The following RCCD1 variants were observed in gnomAD, a reference collection of about 807,000 sequenced individuals.
RCCD1 encodes RCC1 domain containing 1.
RCCD1 carries 40 observed loss-of-function variants against 37.6 expected under a neutral mutation model. The observed-to-expected ratio is 1.06, with a 90% CI of 0.83 to 1.39. The LOEUF is 1.39. RCCD1 is among the 40% of genes most tolerant of loss of function. The probability of loss-of-function intolerance (pLI) is 0.00; values close to 1 mark genes in which losing one functional copy is unlikely to be tolerated. For missense variants in RCCD1, 577 were observed against 517.3 expected, an observed-to-expected ratio of 1.12 and a Z score of -1.12; for synonymous variants, 263 against 230.0, an observed-to-expected ratio of 1.14 and a Z score of -1.30.
At position 90,957,304 on chromosome 15, in the gene RCCD1, G is replaced by T; in HGVS notation, c.358G>T (p.Glu120Ter). The T allele has an allele frequency of 4.6e-6, 7 of 1,535,202 alleles. No individual in the cohort carries two copies. Among genetic ancestry groups the T allele is most frequent in the Non-Finnish European group, 6.1e-6 (7 of 1,138,572 alleles). Residue 120 changes from glutamate to a stop codon, truncating the protein, a stop_gained, in exon 3 of 8, where the codon GAA becomes TAA. Coordinates refer to ENST00000394258, the MANE Select transcript of RCCD1 (RefSeq NM_001017919.2). LOFTEE classifies it high-confidence loss of function. The part of the protein sequence containing the change: ...LWAQNVVPEA[E>*]GEDDPAGEAQ... Reference sequence around the variant, plus strand: ...GGCCCAGAATGTGGTGCCCGAGGCCGAAGGGGAAGACGATCCGGCCGGTGA... The same window carrying T: ...GGCCCAGAATGTGGTGCCCGAGGCCTAAGGGGAAGACGATCCGGCCGGTGA...
At position 90,954,894 on chromosome 15, in the gene RCCD1, G is replaced by A. The variant is rs189310533; in HGVS notation, c.-178G>A. Reference sequence around the variant, plus strand: ...TGGAAGGTAAAAGCTGCTTCCTGTTGGGGCATGAGTCCGGCGCGTGTCGGG... The same window carrying A: ...TGGAAGGTAAAAGCTGCTTCCTGTTAGGGCATGAGTCCGGCGCGTGTCGGG... On this transcript the variant is annotated 5_prime_UTR_variant, in exon 1 of 8. Transcript: ENST00000394258. 3.9e-5 allele frequency: 6 copies of A among 152,374 alleles called. No homozygotes were observed. 9.4% of individuals were successfully genotyped at this position (152,374 alleles called of 1,614,324 possible).
chr15:90,961,792 C>A lies in RCCD1; in HGVS notation c.*23C>A. On this transcript the variant is annotated 3_prime_UTR_variant, in exon 8 of 8. Transcript: ENST00000394258. ...TGACATGTGTACGTATATGTATATG[C>A]AACACCTGTGAGACCCCCATTCAGG... The A allele has an allele frequency of 1.2e-6, 2 of 1,602,066 alleles. No individual in the cohort carries two copies. Among genetic ancestry groups the A allele is most frequent in the South Asian group, 1.1e-5 (1 of 89,862 alleles).
At chr15:90,955,342 T>G (rs1349169060) in intron 1 of RCCD1, 2 of 152,232 alleles carry the variant, frequency 1.3e-5, no homozygotes, top group Admixed American at 1.3e-4. Context: ...CGGCGCCCGC[T>G]GGGCGGGAGG....
At chr15:90,957,991 C>G (rs1328682829) in intron 4 of RCCD1, among the ~76,000 whole-genome samples, 1 of 152,246 alleles carries the variant, frequency 6.6e-6, no homozygotes, top group African/African-American at 2.4e-5. Context: ...CTGCTCCCAG[C>G]CAGGACTGTC....
intron 2 of RCCD1, 59 bp downstream of exon 2, chr15:90,956,959 G>T: frequency 1.6e-6 from 2 of 1,265,852 alleles, no homozygotes; most frequent in South Asian, 3.1e-5. Context: ...TCGCCTCCCC[G>T]CACCGCTGTG....
At position 90,957,726 on chromosome 15, in the gene RCCD1, G is replaced by A. The variant is rs760657404; in HGVS notation, c.679+1G>A. 1.9e-6 allele frequency: 3 copies of A among 1,603,312 alleles called. No individual in the cohort carries two copies. The highest frequency in any genetic ancestry group is 2.6e-6 in the Non-Finnish European group (3 of 1,174,078). ...GGCTGGCATTCTGTGTGTGTGAGTG[G>A]TGAGTGACTTAGTGCTTCTCCAGAC... On this transcript the variant is annotated splice_donor_variant, in intron 4 of 7. Transcript: ENST00000394258. LOFTEE classifies it high-confidence loss of function.
Position 90,956,698 on chromosome 15 carries a change from C to T in RCCD1, c.-37C>T, listed in dbSNP as rs981552957. The T allele has an allele frequency of 3.3e-5, 42 of 1,259,966 alleles. No homozygotes were observed. The highest frequency in any genetic ancestry group is 4.1e-5 in the Non-Finnish European group (41 of 1,002,520). 78.0% of individuals were successfully genotyped at this position (1,259,966 alleles called of 1,614,324 possible). On this transcript the variant is annotated 5_prime_UTR_variant, in exon 2 of 8. Coordinates refer to ENST00000394258, the MANE Select transcript of RCCD1 (RefSeq NM_001017919.2). ...CGCAAGAATCCCCCCGGGCCCGCCG[C>T]AGCCAGGCGGCGGCCGGCAGAGGGC...
intron 2 of RCCD1, 52 bp from the exon 3 acceptor site, chr15:90,957,061 C>T: frequency 1.5e-6 from 2 of 1,308,666 alleles, no homozygotes; most frequent in Non-Finnish European, 9.7e-7. Flanking sequence ...ACCCCGCTCC[C>T]CCCATCCCCG....
At position 90,961,698 on chromosome 15, in the gene RCCD1, C is replaced by A. The variant is rs1378283246; in HGVS notation, c.1060C>A (p.Leu354Ile). ...TGTGGAATACTTTGTAGATAAGCAA[C>A]TCCAAGTAAAGGCTGTCACCTGTGG... ...RRVEYFVDKQ[L>I]QVKAVTCGPW... is the part of the protein sequence containing the mutation. The change falls in exon 8 of 8, where the codon CTC becomes ATC. Residue 354 changes from leucine (L) to isoleucine (I), a missense_variant. Transcript: ENST00000394258. 1.2e-6 allele frequency: 2 copies of A among 1,614,182 alleles called. No homozygotes were observed. The highest frequency in any genetic ancestry group is 2.2e-5 in the South Asian group (2 of 91,086).
At position 90,961,844 on chromosome 15, in the gene RCCD1, A is replaced by T; in HGVS notation, c.*75A>T. 6.7e-7 allele frequency: 1 copy of T among 1,483,990 alleles called. No homozygotes were observed. The highest frequency in any genetic ancestry group is 9.2e-7 in the Non-Finnish European group (1 of 1,090,068). The allele number at this position is 1,483,990 out of a possible 1,614,324, so 91.9% of individuals were successfully genotyped here. ...CAAGGAAAACCATTGCCTGCACCCC[A>T]AGGGCCCCATATTTGCCCCTCCCCA... On this transcript the variant is annotated 3_prime_UTR_variant, in exon 8 of 8. Coordinates refer to ENST00000394258, the MANE Select transcript of RCCD1 (RefSeq NM_001017919.2).
At position 90,957,040 on chromosome 15, in the gene RCCD1, T is replaced by C. The variant is rs950082207; in HGVS notation, c.167-73T>C. Reference sequence around the variant, plus strand: ...CTGGGTTGGTCCCCAATTCGACCCCTTCCCAGGAACACCCCGCTCCCCCCA... The same window carrying C: ...CTGGGTTGGTCCCCAATTCGACCCCCTCCCAGGAACACCCCGCTCCCCCCA... On this transcript the variant is annotated intron_variant, in intron 2 of 7. Transcript: ENST00000394258. 11 of 1,293,820 alleles carry C rather than the reference T, an allele frequency of 8.5e-6. No individual in the cohort carries two copies. The African/African-American group carries it at 1.7e-4, about 20-fold the overall frequency. 80.1% of individuals were successfully genotyped at this position (1,293,820 alleles called of 1,614,324 possible). A position where few individuals can be genotyped will look rare whatever the true frequency, so the allele number is the denominator to read the frequency against.
At chr15:90,958,040 G>C (rs986861921) in intron 4 of RCCD1, among the ~76,000 whole-genome samples, 8 of 152,194 alleles carry the variant, frequency 5.3e-5, no homozygotes, top group Non-Finnish European at 1.0e-4. Context: ...AGTGTGAGGG[G>C]GCAGCTGAGC....
Position 90,958,627 on chromosome 15 carries a change from CAAAA to C in RCCD1, c.679+921_679+924del, listed in dbSNP as rs5814447. On this transcript the variant is annotated intron_variant, in intron 4 of 7. Coordinates refer to ENST00000394258, the MANE Select transcript of RCCD1 (RefSeq NM_001017919.2). ...TGGGCGACAGAGCGAGACTCAGTCT[CAAAA>C]AAAAAAAAAAAAAAAAAAGAAAAGC... Among the ~76,000 whole-genome samples the C allele has an allele frequency of 1.0e-2, 748 of 74,980 alleles. 9 individuals are homozygous for C. Among genetic ancestry groups the C allele is most frequent in the Middle Eastern group, 0.017 (2 of 120 alleles). The allele number at this position is 74,980 out of a possible 152,430, so 49.2% of individuals were successfully genotyped here.
intron 3 of RCCD1, 43 bp from the exon 4 acceptor site, chr15:90,957,561 C>G: frequency 6.2e-7 from 1 of 1,612,438 alleles, no homozygotes; most frequent in East Asian, 2.2e-5. Flanking sequence ...CGGAGCGGGA[C>G]CCCTTAATGC....
chr15:90,960,149 T>C (rs2037284939), intron 5 of RCCD1, 151 bp downstream of exon 5: 3 of 912,308 alleles, frequency 3.3e-6, no homozygotes, highest in Non-Finnish European at 5.0e-6. Flanking sequence ...GATGCCGGTC[T>C]TGGCACAACA....
At position 90,957,409 on chromosome 15, in the gene RCCD1, G is replaced by A; in HGVS notation, c.463G>A (p.Ala155Thr). ...GCGGGCGCCCTTCTACCGGCCTCTG[G>A]CTCCGGAGCTGCGGGCACGCCAGCT... ...SPRAPFYRPLAPELRARQLEL... is the reference protein window; with the variant it reads ...SPRAPFYRPLTPELRARQLEL... Residue 155 changes from alanine (A) to threonine (T), a missense_variant, in exon 3 of 8, where the codon GCT (alanine) becomes ACT (threonine). By Grantham distance (58) the Ala-to-Thr change is moderately conservative (BLOSUM62 0). Transcript: ENST00000394258. 3 of 1,540,994 alleles carry A rather than the reference G, an allele frequency of 1.9e-6. No individual in the cohort carries two copies. Among genetic ancestry groups the A allele is most frequent in the Non-Finnish European group, 2.6e-6 (3 of 1,145,784 alleles).
Position 90,957,209 on chromosome 15 carries a change from C to T in RCCD1, c.263C>T (p.Ala88Val). Reference protein sequence around the residue: ...ASEGLLAVLRAGPGPEALLQV... With the variant: ...ASEGLLAVLRVGPGPEALLQV... ...GAGGGGCTCCTCGCGGTGCTGCGCG[C>T]CGGGCCGGGGCCGGAGGCGTTACTG... Residue 88 changes from alanine to valine, a missense_variant, in exon 3 of 8, where the codon GCC (alanine) becomes GTC (valine). Transcript: ENST00000394258. The T allele has an allele frequency of 7.1e-7, 1 of 1,409,328 alleles. No individual in the cohort carries two copies. The highest frequency in any genetic ancestry group is 1.6e-5 in the South Asian group (1 of 64,148). The allele number at this position is 1,409,328 out of a possible 1,614,324, so 87.3% of individuals were successfully genotyped here. A position where few individuals can be genotyped will look rare whatever the true frequency, so the allele number is the denominator to read the frequency against.
At chr15:90,955,328 CT>C (rs2037151163) in intron 1 of RCCD1, 1 of 152,246 alleles carries the variant, frequency 6.6e-6, no homozygotes, top group Admixed American at 6.5e-5. Context: ...CTCCCCGTGG[CT>C]GTCGGCGCCC....
rs1455951427 is a variant in RCCD1, at chr15:90,962,203, T to C, written c.*434T>C. The C allele has an allele frequency of 6.4e-6, 1 of 156,364 alleles. No homozygotes were observed. The highest frequency in any genetic ancestry group is 1.4e-5 in the Non-Finnish European group (1 of 70,398). The allele number at this position is 156,364 out of a possible 1,614,324, so 9.7% of individuals were successfully genotyped here. ...CATAGTTGTGTTTGCTTTTGAGTGTTAGATAAATGGAATCCTGTGTATGTG... is the reference window on the plus strand; with the variant it reads ...CATAGTTGTGTTTGCTTTTGAGTGTCAGATAAATGGAATCCTGTGTATGTG... On this transcript the variant is annotated 3_prime_UTR_variant, in exon 8 of 8. Transcript: ENST00000394258.
Sources: gnomAD v4.1 joint callset for allele counts (sites outside exome capture counted in the v4.1 genomes callset) on GRCh38, gnomAD v4.1.1 for gene constraint, MANE v1.5 for transcripts, NCBI Gene and HGNC (gene_info 2026-07-23, HGNC 2026-07-21) for gene names.